Variants in TUB observed in about 807,000 individuals in gnomAD.
TUB encodes the protein TUB bipartite transcription factor, also known as tubby protein homolog.
Under a neutral mutation model 59.7 loss-of-function variants are expected in TUB, and 33 were observed. That is an observed-to-expected ratio of 0.55 (90% CI 0.42 to 0.74). The LOEUF (loss-of-function observed/expected upper bound fraction) is 0.74, where lower values mean the gene tolerates loss of function less well. TUB is among the 30% of genes least tolerant of loss of function. TUB has a pLI of 0.00. For synonymous variants in TUB, 293 were observed against 256.4 expected (o/e 1.14, Z -1.36); for missense variants, 659 against 672.0 (o/e 0.98, Z 0.21).
intron 3 of TUB, among the ~76,000 whole-genome samples, chr11:8,091,927 GCC>G (rs1943788949): frequency 6.6e-6 from 1 of 152,218 alleles, no homozygotes; most frequent in African/African-American, 2.4e-5. Flanking sequence ...CCCCAGCTCT[GCC>G]AAGCCTGGCA....
intron 2 of TUB, among the ~76,000 whole-genome samples, chr11:8,062,862 C>A (rs148277445): frequency 6.6e-6 from 1 of 152,310 alleles, no homozygotes; most frequent in East Asian, 1.9e-4. Flanking sequence ...GCTCTGCCTA[C>A]AGGGCCACCT....
At chr11:8,095,472 A>AACTC in intron 4 of TUB, 26 bp from the exon 5 acceptor site, 1 of 1,584,266 alleles carries the variant, frequency 6.3e-7, no homozygotes, top group Non-Finnish European at 8.6e-7. Flanking sequence ...TCCTGGATGT[A>AACTC]ACTCAGGCGT....
At position 8,105,623 on chromosome 11, in the gene TUB, A is replaced by G. The variant is rs2133951876; in HGVS notation, c.*4004A>G. The G allele has an allele frequency of 6.6e-6, 1 of 152,294 alleles. No homozygotes were observed. Among genetic ancestry groups the G allele is most frequent in the East Asian group, 1.9e-4 (1 of 5,194 alleles). 9.4% of individuals were successfully genotyped at this position (152,294 alleles called of 1,614,324 possible). ...GGTCCATTTTCCTAACCACAAGATAAAGATGTTACATTGTCAAAGCTTGCC... is the reference window on the plus strand; with the variant it reads ...GGTCCATTTTCCTAACCACAAGATAGAGATGTTACATTGTCAAAGCTTGCC... On this transcript the variant is annotated 3_prime_UTR_variant, in exon 12 of 12. Transcript: ENST00000299506.
chr11:8,088,050 G>A (rs527416280), intron 1 of TUB, among the ~76,000 whole-genome samples: 3 of 152,156 alleles, frequency 2.0e-5, no homozygotes, highest in African/African-American at 7.2e-5. Context: ...GCTCTTGAGC[G>A]GTGTTTTCTC....
intron 2 of TUB, among the ~76,000 whole-genome samples, chr11:8,058,688 T>G (rs1943064471): frequency 6.6e-6 from 1 of 152,216 alleles, no homozygotes; most frequent in Non-Finnish European, 1.5e-5. Context: ...AGTTCTGACA[T>G]GTCTTTGTTG....
intron 2 of TUB, among the ~76,000 whole-genome samples, chr11:8,052,090 A>G (rs79617922): frequency 0.038 from 5,817 of 152,332 alleles, 173 homozygotes; most frequent in Non-Finnish European, 0.059. Flanking sequence ...TTTATTGGAG[A>G]TTCATAGCAC....
intron 9 of TUB, 47 bp from the exon 10 acceptor site, chr11:8,100,456 A>G: frequency 6.8e-7 from 1 of 1,467,592 alleles, no homozygotes. Flanking sequence ...CTTCTCCAGT[A>G]GGTAAATAGA....
At position 8,105,835 on chromosome 11, in the gene TUB, A is replaced by T. The variant is rs1272083596; in HGVS notation, c.*4216A>T. 6.6e-6 allele frequency: 1 copy of T among 152,034 alleles called. No homozygotes were observed. The allele number at this position is 152,034 out of a possible 1,614,324, so 9.4% of individuals were successfully genotyped here. A position where few individuals can be genotyped will look rare whatever the true frequency, so the allele number is the denominator to read the frequency against. On this transcript the variant is annotated 3_prime_UTR_variant, in exon 12 of 12. Transcript: ENST00000299506. ...TAGCAAGGTCCAGGCAAAGCTGGAG[A>T]TGAGGCTGAGATCCAGAGTTTCCTA...
chr11:8,076,473 G>T (rs1028498416), upstream of TUB: 2 of 152,182 alleles, frequency 1.3e-5, no homozygotes, highest in Admixed American at 6.5e-5. Flanking sequence ...TTAGAGATGG[G>T]TGTCAGCTAA....
At chr11:8,024,451 C>T (rs1692037473) in intron 1 of TUB, among the ~76,000 whole-genome samples, 2 of 151,986 alleles carry the variant, frequency 1.3e-5, no homozygotes, top group Admixed American at 1.3e-4. Context: ...CTCTCAAGAC[C>T]CCTCTCTGCT....
chr11:8,094,549 G>C (rs886795498), intron 4 of TUB, among the ~76,000 whole-genome samples: 5 of 152,346 alleles, frequency 3.3e-5, no homozygotes, highest in Non-Finnish European at 7.3e-5. Context: ...ACTGGGGGCT[G>C]ACTGCTTCCC....
At chr11:8,069,550 T>C (rs1943319663) in intron 2 of TUB, among the ~76,000 whole-genome samples, 1 of 152,194 alleles carries the variant, frequency 6.6e-6, no homozygotes, top group South Asian at 2.1e-4. Flanking sequence ...TGTATTTTCC[T>C]ATCTAATGGG....
At chr11:8,055,467 G>T (rs1943005585) in intron 2 of TUB, among the ~76,000 whole-genome samples, 1 of 152,184 alleles carries the variant, frequency 6.6e-6, no homozygotes, top group Non-Finnish European at 1.5e-5. Flanking sequence ...GCTGGCATCT[G>T]CCCATCATGG....
chr11:8,095,919 C>A (rs1338759308), intron 5 of TUB, among the ~76,000 whole-genome samples: 1 of 152,222 alleles, frequency 6.6e-6, no homozygotes, highest in African/African-American at 2.4e-5. Flanking sequence ...CAAGAAGTTT[C>A]CCATATGTTT....
In TUB at chr11:8,062,566, C is replaced by A. The variant is rs115203011; in HGVS notation, c.203+22874C>A. 3.8e-3 allele frequency among the ~76,000 whole-genome samples: 582 copies of A among 151,972 alleles called. 10 individuals carry two copies. Among genetic ancestry groups the A allele is most frequent in the African/African-American group, 0.013 (541 of 41,408 alleles). ...ACACATGAGGGGTTGCAGTTTCTACCATGGCTGCTGGCTCATGATAAGAGC... is the reference window on the plus strand; with the variant it reads ...ACACATGAGGGGTTGCAGTTTCTACAATGGCTGCTGGCTCATGATAAGAGC... On this transcript the variant is annotated intron_variant, in intron 2 of 12. Coordinates refer to the TUB transcript ENST00000305253.
Position 8,101,642 on chromosome 11 carries a change from G to A in TUB, c.*23G>A. 1.2e-6 allele frequency: 2 copies of A among 1,613,178 alleles called. No homozygotes were observed. Among genetic ancestry groups the A allele is most frequent in the East Asian group, 2.2e-5 (1 of 44,864 alleles). ...TAGAGGCCTCTTCGTGCCCTTTGGG[G>A]TTGCCCAGCCTGGAGCGGAGCTTGC... is the stretch of plus-strand genomic sequence containing the variant. On this transcript the variant is annotated 3_prime_UTR_variant, in exon 12 of 12. Coordinates refer to ENST00000299506, the MANE Select transcript of TUB (RefSeq NM_177972.3).
chr11:8,064,714 G>A (rs941921441), intron 2 of TUB, among the ~76,000 whole-genome samples: 1 of 152,220 alleles, frequency 6.6e-6, no homozygotes, highest in Non-Finnish European at 1.5e-5. Flanking sequence ...ATGAAACCCA[G>A]TGATAGAAAC....
chr11:8,057,392 G>C (rs1024359082), intron 2 of TUB, among the ~76,000 whole-genome samples: 1 of 152,050 alleles, frequency 6.6e-6, no homozygotes, highest in Non-Finnish European at 1.5e-5. Flanking sequence ...TTCTGTAACC[G>C]GTCACAGGGA....
Position 8,020,940 on chromosome 11 carries a change from C to T in TUB, c.56+1582C>T, listed in dbSNP as rs1942416518. ...TAGAATTTCCTCCGGGAGATGAGCTCACAGTCTAGATTATATTAGAAATAA... is the reference window on the plus strand; with the variant it reads ...TAGAATTTCCTCCGGGAGATGAGCTTACAGTCTAGATTATATTAGAAATAA... On this transcript the variant is annotated intron_variant, in intron 1 of 11. Coordinates refer to the TUB transcript ENST00000534099. Among the ~76,000 whole-genome samples the T allele has an allele frequency of 2.0e-5, 3 of 152,270 alleles. No individual in the cohort carries two copies. In the South Asian group the frequency reaches 6.2e-4, roughly 32 times the overall value.
Sources: gnomAD v4.1 joint callset for allele counts (sites outside exome capture counted in the v4.1 genomes callset) on GRCh38, gnomAD v4.1.1 for gene constraint, MANE v1.5 for transcripts, NCBI Gene and HGNC (gene_info 2026-07-23, HGNC 2026-07-21) for gene names.